Variants in KCNB2 observed in about 807,000 individuals in gnomAD.
KCNB2 encodes delayed rectifier potassium channel protein.
KCNB2 carries 15 observed loss-of-function variants against 61.5 expected under a neutral mutation model. The observed-to-expected ratio is 0.24, with a 90% CI of 0.16 to 0.38. The LOEUF is 0.38. Ranked by LOEUF, KCNB2 falls within the 10% of genes least tolerant of loss-of-function variation. The probability of loss-of-function intolerance (pLI) is 1.00; values close to 1 mark genes in which losing one functional copy is unlikely to be tolerated. For missense variants in KCNB2, 828 were observed against 1,125.2 expected (o/e 0.74, Z 3.78); for synonymous variants, 457 against 446.0 (o/e 1.02, Z -0.31).
intron 2 of KCNB2, among the ~76,000 whole-genome samples, chr8:72,615,212 G>T (rs1024482206): frequency 2.0e-5 from 3 of 152,138 alleles, no homozygotes; most frequent in African/African-American, 4.8e-5. Flanking sequence ...CTGAATCTAG[G>T]TTCCCTTATC....
At chr8:72,796,236 T>A (rs1809029376) in intron 2 of KCNB2, among the ~76,000 whole-genome samples, 1 of 152,168 alleles carries the variant, frequency 6.6e-6, no homozygotes, top group Non-Finnish European at 1.5e-5. Context: ...GATGTGATAG[T>A]CAGTGTTTGA....
intron 2 of KCNB2, among the ~76,000 whole-genome samples, chr8:72,930,910 C>G (rs913991994): frequency 2.6e-5 from 4 of 152,128 alleles, no homozygotes; most frequent in Non-Finnish European, 5.9e-5. Flanking sequence ...AGGTTTTCTT[C>G]TAGGGTTTTT....
chr8:72,745,333 G>C (rs558064727), intron 2 of KCNB2, among the ~76,000 whole-genome samples: 25 of 152,082 alleles, frequency 1.6e-4, no homozygotes, highest in Non-Finnish European at 2.6e-4. Context: ...TAAGGGCACA[G>C]TCCTCCATAA....
intron 2 of KCNB2, among the ~76,000 whole-genome samples, chr8:72,638,644 G>T (rs144891046): frequency 6.6e-6 from 1 of 151,992 alleles, no homozygotes; most frequent in African/African-American, 2.4e-5. Flanking sequence ...CACACAAGCC[G>T]GCAGTGTCCC....
intron 2 of KCNB2, among the ~76,000 whole-genome samples, chr8:72,807,618 C>T (rs1336376004): frequency 6.6e-6 from 1 of 152,152 alleles, no homozygotes; most frequent in Non-Finnish European, 1.5e-5. Context: ...TCCAGACAGA[C>T]AGATTTGTGT....
intron 2 of KCNB2, among the ~76,000 whole-genome samples, chr8:72,742,361 C>T (rs1278001267): frequency 6.6e-6 from 1 of 152,130 alleles, no homozygotes; most frequent in East Asian, 1.9e-4. Flanking sequence ...ATTGCTTTCT[C>T]ACTTGAAAAA....
intron 1 of KCNB2, among the ~76,000 whole-genome samples, chr8:72,553,639 A>G (rs1209026329): frequency 6.6e-6 from 1 of 152,094 alleles, no homozygotes; most frequent in Non-Finnish European, 1.5e-5. Flanking sequence ...ATTAGGCTTT[A>G]TGGAAAGAGT....
intron 2 of KCNB2, among the ~76,000 whole-genome samples, chr8:72,807,687 C>T (rs1363804924): frequency 6.6e-6 from 1 of 152,184 alleles, no homozygotes; most frequent in Non-Finnish European, 1.5e-5. Context: ...AAAACACCAT[C>T]TAGATGACAT....
chr8:72,788,622 C>T lies in KCNB2; in HGVS notation c.580-147313C>T, dbSNP rs910891720. 2.0e-5 allele frequency among the ~76,000 whole-genome samples: 3 copies of T among 151,898 alleles called. No individual in the cohort carries two copies. The East Asian group carries it at 5.8e-4, about 29-fold the overall frequency. On this transcript the variant is annotated intron_variant, in intron 2 of 2. Coordinates refer to ENST00000523207, the MANE Select transcript of KCNB2 (RefSeq NM_004770.3). Reference sequence around the variant, plus strand: ...GTAGCCTTGGGAAGCAGAAATGACCCGTCATGAAGGATGAACTCCAAAGAG... The same window carrying T: ...GTAGCCTTGGGAAGCAGAAATGACCTGTCATGAAGGATGAACTCCAAAGAG...
At chr8:72,647,292 C>T (rs188563492) in intron 2 of KCNB2, among the ~76,000 whole-genome samples, 1 of 152,188 alleles carries the variant, frequency 6.6e-6, no homozygotes, top group Non-Finnish European at 1.5e-5. Context: ...GCCACATTTT[C>T]ATATCCTGAT....
chr8:72,929,831 G>C (rs922655320), intron 2 of KCNB2, among the ~76,000 whole-genome samples: 1 of 151,824 alleles, frequency 6.6e-6, no homozygotes, highest in African/African-American at 2.4e-5. Flanking sequence ...TTAAGTTCTA[G>C]GGTACAGGTG....
At chr8:72,623,372 G>A (rs761696600) in intron 2 of KCNB2, among the ~76,000 whole-genome samples, 26 of 152,264 alleles carry the variant, frequency 1.7e-4, no homozygotes, top group South Asian at 4.1e-4. Context: ...GGTTGGAGAC[G>A]ATTAGAGGGA....
At chr8:72,671,440 T>C (rs114678912) in intron 2 of KCNB2, among the ~76,000 whole-genome samples, 6 of 152,320 alleles carry the variant, frequency 3.9e-5, no homozygotes, top group East Asian at 1.9e-4. Flanking sequence ...TATTAGGCAC[T>C]GTGTTGGGTT....
chr8:72,757,988 G>T (rs955893437), intron 2 of KCNB2, among the ~76,000 whole-genome samples: 4 of 152,204 alleles, frequency 2.6e-5, no homozygotes, highest in South Asian at 2.1e-4. Context: ...GGAATCAAAG[G>T]CATAATAAGG....
At chr8:72,749,664 C>T (rs1808150581) in intron 2 of KCNB2, among the ~76,000 whole-genome samples, 2 of 149,108 alleles carry the variant, frequency 1.3e-5, no homozygotes, top group Non-Finnish European at 3.0e-5. Flanking sequence ...CATGATATTG[C>T]TTTAAAAGAT....
intron 2 of KCNB2, among the ~76,000 whole-genome samples, chr8:72,726,893 A>G (rs1807659547): frequency 6.6e-6 from 1 of 152,202 alleles, no homozygotes; most frequent in Non-Finnish European, 1.5e-5. Context: ...GCATGAGAAC[A>G]GAAAGCTCCC....
At chr8:72,816,885 A>G (rs1156341554) in intron 2 of KCNB2, among the ~76,000 whole-genome samples, 6 of 152,166 alleles carry the variant, frequency 3.9e-5, no homozygotes, top group Admixed American at 1.3e-4. Flanking sequence ...TGGAACTTCC[A>G]AAGCCAATTG....
chr8:72,852,682 C>G (rs1424704307), intron 2 of KCNB2, among the ~76,000 whole-genome samples: 6 of 152,178 alleles, frequency 3.9e-5, no homozygotes, highest in African/African-American at 1.4e-4. Flanking sequence ...TGGTTAATTT[C>G]TCAGTCTTAT....
At chr8:72,854,005 A>C (rs946777609) in intron 2 of KCNB2, among the ~76,000 whole-genome samples, 6 of 152,358 alleles carry the variant, frequency 3.9e-5, no homozygotes, top group Non-Finnish European at 8.8e-5. Context: ...AAGTGACAGA[A>C]ACTCATCTGT....
Sources: allele counts gnomAD v4.1 joint callset (sites outside exome capture counted in the v4.1 genomes callset), GRCh38; gene constraint gnomAD v4.1.1; transcripts MANE v1.5; gene names NCBI Gene and HGNC (gene_info 2026-07-23, HGNC 2026-07-21).